The following ISM1 variants were observed in gnomAD, a reference collection of about 807,000 sequenced individuals.
ISM1 encodes the protein isthmin 1.
A neutral mutation model predicts 46.3 loss-of-function variants in ISM1; 25 were observed. That is an observed-to-expected ratio of 0.54 (90% CI 0.39 to 0.75). ISM1 has a LOEUF of 0.75. Among genes scored for constraint, ISM1 ranks in the 30% least tolerant of loss-of-function variants. The pLI is 0.00. For synonymous variants in ISM1, 255 were observed against 256.7 expected (o/e 0.99, Z 0.06); for missense variants, 536 against 625.4 (o/e 0.86, Z 1.52).
At chr20:13,266,048 G>A (rs541077393) in intron 1 of ISM1, among the ~76,000 whole-genome samples, 5 of 152,234 alleles carry the variant, frequency 3.3e-5, no homozygotes, top group South Asian at 2.1e-4. Context: ...TGGCAAAACC[G>A]AATCTGAAAA....
the ISM1 span, among the ~76,000 whole-genome samples, chr20:13,317,455 G>A: frequency 4.6e-5 from 7 of 152,124 alleles, no homozygotes; most frequent in Middle Eastern, 3.4e-3. Flanking sequence ...AAAGTGTATA[G>A]GGAGAGATAA....
At chr20:13,282,665 C>T (rs2040249876) in intron 3 of ISM1, among the ~76,000 whole-genome samples, 2 of 152,202 alleles carry the variant, frequency 1.3e-5, no homozygotes, top group Admixed American at 1.3e-4. Flanking sequence ...CTCCTAGTAT[C>T]TTCCCCATCA....
chr20:13,231,098 G>T lies in ISM1; in HGVS notation c.138+9184G>T, dbSNP rs886149822. ...TAAATTACTTGTTCTTTGTCTCAGG[G>T]CCTGCTTCTAGGAAAACCCACACTA... On this transcript the variant is annotated intron_variant, in intron 1 of 5. Transcript: ENST00000262487. 7.2e-5 allele frequency among the ~76,000 whole-genome samples: 11 copies of T among 152,214 alleles called. No homozygotes were observed. The East Asian group carries it at 9.7e-4, about 13-fold the overall frequency.
chr20:13,289,108 A>G (rs1013277829), intron 4 of ISM1, among the ~76,000 whole-genome samples: 2 of 152,246 alleles, frequency 1.3e-5, no homozygotes, highest in African/African-American at 4.8e-5. Context: ...ACTTCTGACC[A>G]GAGTGAGTCA....
At chr20:13,292,594 T>C (rs1442755665) in intron 5 of ISM1, 131 bp downstream of exon 5, 10 of 648,960 alleles carry the variant, frequency 1.5e-5, no homozygotes, top group East Asian at 2.7e-5. Context: ...GCTCCCAGCA[T>C]GTGTCTTGCT....
chr20:13,267,741 C>A (rs752613715), intron 1 of ISM1, among the ~76,000 whole-genome samples: 2 of 152,188 alleles, frequency 1.3e-5, no homozygotes, highest in Non-Finnish European at 2.9e-5. Flanking sequence ...ACATTTTCTA[C>A]TTCTTCTAAA....
intron 3 of ISM1, among the ~76,000 whole-genome samples, chr20:13,284,586 G>C (rs1176311204): frequency 1.8e-4 from 28 of 152,184 alleles, no homozygotes. Flanking sequence ...TCAATGATTT[G>C]TCCCTGTCAG....
chr20:13,279,568 C>T, intron 2 of ISM1, 66 bp from the exon 3 acceptor site: 1 of 1,499,580 alleles, frequency 6.7e-7, no homozygotes, highest in East Asian at 2.4e-5. Flanking sequence ...AGACTTTCTT[C>T]CAAGGGTCAT....
At chr20:13,306,564 C>CAAAAAAAAAAAAAAAAAAAAAAAAAA in the ISM1 span, among the ~76,000 whole-genome samples, 13 of 63,908 alleles carry the variant, frequency 2.0e-4, no homozygotes, top group African/African-American at 3.6e-4. Context: ...GGAGAAAGGA[C>CAAAAAAAAAAAAAAAAAAAAAAAAAA]AAAAAAAAAA....
intron 5 of ISM1, among the ~76,000 whole-genome samples, chr20:13,296,821 C>A (rs551947353): frequency 4.6e-5 from 7 of 152,086 alleles, no homozygotes; most frequent in Non-Finnish European, 8.8e-5. Context: ...AGTTCAAGAC[C>A]AACCTGGCCA....
At chr20:13,234,229 T>C (rs796421727) in intron 1 of ISM1, among the ~76,000 whole-genome samples, 21 of 152,326 alleles carry the variant, frequency 1.4e-4, no homozygotes, top group African/African-American at 4.8e-4. Flanking sequence ...ACTTTCTGTT[T>C]CTGAGTTATT....
At chr20:13,273,215 T>TTTTTTTTTTATTTTATTTTATTTTA in intron 2 of ISM1, among the ~76,000 whole-genome samples, 1 of 130,704 alleles carries the variant, frequency 7.7e-6, no homozygotes, top group East Asian at 2.2e-4. Context: ...ACTTGGGTCT[T>TTTTTTTTTTATTTTATTTTATTTTA]TTTTATTTTA....
At chr20:13,234,458 G>T (rs747978532) in intron 1 of ISM1, among the ~76,000 whole-genome samples, 1 of 152,124 alleles carries the variant, frequency 6.6e-6, no homozygotes, top group Non-Finnish European at 1.5e-5. Flanking sequence ...CTTTCCCTTT[G>T]GGTATATACT....
chr20:13,283,829 C>A (rs746148319), intron 3 of ISM1, among the ~76,000 whole-genome samples: 6 of 152,160 alleles, frequency 3.9e-5, no homozygotes, highest in East Asian at 1.9e-4. Context: ...CTGGTCATAA[C>A]CCTATTTTAA....
In ISM1 at chr20:13,253,820, A is replaced by T. The variant is rs191141414; in HGVS notation, c.139-16684A>T. On this transcript the variant is annotated intron_variant, in intron 1 of 5. Transcript: ENST00000262487. ...GGCTAGTTCAGATATCTTAAAATTT[A>T]AAAAAAAGCTAAAATTAAAATAACA... Among the ~76,000 whole-genome samples, 881 of 151,328 alleles carry T rather than the reference A, an allele frequency of 5.8e-3. 8 individuals are homozygous for T. Among genetic ancestry groups the T allele is most frequent in the African/African-American group, 0.021 (843 of 41,096 alleles).
chr20:13,276,598 A>G (rs1298038062), intron 2 of ISM1, among the ~76,000 whole-genome samples: 2 of 152,222 alleles, frequency 1.3e-5, no homozygotes, highest in African/African-American at 4.8e-5. Flanking sequence ...GAAGAAAAAA[A>G]TATACTAAGA....
intron 5 of ISM1, among the ~76,000 whole-genome samples, chr20:13,292,989 G>A (rs188975283): frequency 1.2e-3 from 187 of 152,138 alleles, no homozygotes; most frequent in African/African-American, 4.0e-3. Context: ...GAGGTCAGGA[G>A]ATCAAGACCA....
the ISM1 span, among the ~76,000 whole-genome samples, chr20:13,313,907 G>A: frequency 6.6e-6 from 1 of 152,096 alleles, no homozygotes; most frequent in African/African-American, 2.4e-5. Context: ...AAATAAACTG[G>A]CAATGTAAGC....
rs1362445379 is a variant in ISM1, at chr20:13,270,530, C to T, written c.165C>T (p.Thr55=). 1 of 1,613,456 alleles carries T rather than the reference C, an allele frequency of 6.2e-7. No individual in the cohort carries two copies. Among genetic ancestry groups the T allele is most frequent in the Non-Finnish European group, 8.5e-7 (1 of 1,179,684 alleles). The change falls in exon 2 of 6, where the codon ACC becomes ACT. Residue 55 remains threonine, a synonymous_variant. Transcript: ENST00000262487. ...ATAACCTCAACGTGGGAAGTGACACCACATCAGAAACCAGCTTTTCTCTCT... is the reference window on the plus strand; with the variant it reads ...ATAACCTCAACGTGGGAAGTGACACTACATCAGAAACCAGCTTTTCTCTCT... The part of the protein sequence containing the change: ...LQNNLNVGSD[T]TSETSFSLSK...
Sources: allele counts gnomAD v4.1 joint callset (sites outside exome capture counted in the v4.1 genomes callset), GRCh38; gene constraint gnomAD v4.1.1; transcripts MANE v1.5; gene names NCBI Gene and HGNC (gene_info 2026-07-23, HGNC 2026-07-21).